Variants in HLCS observed in about 807,000 individuals in gnomAD.
HLCS encodes biotin--protein ligase.
In HLCS, 53 loss-of-function variants were observed where a neutral mutation model predicts 75.0. The observed-to-expected ratio is 0.71, with a 90% CI of 0.57 to 0.89. The LOEUF (loss-of-function observed/expected upper bound fraction) is 0.89. Ranked by LOEUF, HLCS falls within the 40% of genes least tolerant of loss-of-function variation. HLCS has a pLI of 0.00. For missense variants in HLCS, 966 were observed against 1,074.0 expected, an observed-to-expected ratio of 0.90 and a Z score of 1.41; for synonymous variants, 431 against 428.6, an observed-to-expected ratio of 1.01 and a Z score of -0.07.
At chr21:36,759,438 T>C (rs1009799310) in intron 9 of HLCS, among the ~76,000 whole-genome samples, 1 of 152,240 alleles carries the variant, frequency 6.6e-6, no homozygotes, top group African/African-American at 2.4e-5. Context: ...AAATGTTTAT[T>C]TTCACCATTT....
At chr21:36,883,895 G>C (rs1473504362) in intron 6 of HLCS, among the ~76,000 whole-genome samples, 1 of 152,166 alleles carries the variant, frequency 6.6e-6, no homozygotes. Flanking sequence ...GCAGGCTAGG[G>C]GACCCGGCCA....
At chr21:36,862,433 C>T (rs1454744932) in intron 6 of HLCS, among the ~76,000 whole-genome samples, 1 of 152,166 alleles carries the variant, frequency 6.6e-6, no homozygotes, top group Non-Finnish European at 1.5e-5. Flanking sequence ...CCAGTGTCTC[C>T]ACATCCTTGC....
At chr21:36,975,631 G>C (rs2068916506) in intron 1 of HLCS, among the ~76,000 whole-genome samples, 1 of 152,116 alleles carries the variant, frequency 6.6e-6, no homozygotes, top group African/African-American at 2.4e-5. Flanking sequence ...AAATTAGCCA[G>C]GCATGGTGGC....
intron 2 of HLCS, among the ~76,000 whole-genome samples, chr21:36,960,947 G>A (rs191853236): frequency 1.3e-5 from 2 of 152,340 alleles, no homozygotes; most frequent in East Asian, 3.9e-4. Context: ...GAAGGGACAT[G>A]AGACAGGGTA....
chr21:36,981,486 C>T (rs932965227), intron 1 of HLCS, among the ~76,000 whole-genome samples: 7 of 150,596 alleles, frequency 4.6e-5, no homozygotes, highest in South Asian at 2.1e-4. Context: ...CTATAACCTC[C>T]GCCTCCCAGG....
intron 6 of HLCS, among the ~76,000 whole-genome samples, chr21:36,826,006 A>G (rs1461381032): frequency 6.6e-6 from 1 of 152,038 alleles, no homozygotes; most frequent in Non-Finnish European, 1.5e-5. Context: ...CACTGGGTAC[A>G]AGGAATTAGA....
At chr21:36,946,166 T>C in intron 2 of HLCS, 1 of 916,498 alleles carries the variant, frequency 1.1e-6, no homozygotes, top group African/African-American at 1.8e-5. Context: ...TGGCAGGGAA[T>C]GGGGAGGTGA....
intron 4 of HLCS, 32 bp downstream of exon 4, chr21:36,936,417 A>G (rs1228412454): frequency 1.1e-5 from 17 of 1,576,294 alleles, no homozygotes; most frequent in Admixed American, 1.7e-5. Context: ...ACAGATACCC[A>G]AAGATCACCA....
chr21:36,958,019 A>G (rs1001624886), intron 2 of HLCS, among the ~76,000 whole-genome samples: 1 of 151,832 alleles, frequency 6.6e-6, no homozygotes, highest in African/African-American at 2.4e-5. Flanking sequence ...CAAGGTCAGG[A>G]GATCGAAACC....
At chr21:36,884,057 G>A (rs2064344913) in intron 6 of HLCS, among the ~76,000 whole-genome samples, 1 of 152,246 alleles carries the variant, frequency 6.6e-6, no homozygotes, top group Non-Finnish European at 1.5e-5. Flanking sequence ...GACCCGGAGA[G>A]AGTAGTTCTG....
chr21:36,761,170 G>GGGAGAAACGGAAGCTT (rs1305153865), intron 8 of HLCS, among the ~76,000 whole-genome samples: 1 of 152,230 alleles, frequency 6.6e-6, no homozygotes, highest in Non-Finnish European at 1.5e-5. Flanking sequence ...AGGGAACAGA[G>GGGAGAAACGGAAGCTT]GGAGAAACGG....
At chr21:36,873,984 G>T (rs549087847) in intron 6 of HLCS, among the ~76,000 whole-genome samples, 2 of 152,042 alleles carry the variant, frequency 1.3e-5, no homozygotes, top group East Asian at 3.8e-4. Flanking sequence ...CTTCTTAGTC[G>T]CAAGTCATGA....
chr21:36,966,828 G>C (rs1432554261), upstream of HLCS, among the ~76,000 whole-genome samples: 1 of 146,148 alleles, frequency 6.8e-6, no homozygotes, highest in Non-Finnish European at 1.5e-5. Context: ...GGCGGGGGGG[G>C]GTGAGGCCGC....
intron 6 of HLCS, among the ~76,000 whole-genome samples, chr21:36,888,988 G>GTACA (rs1324277125): frequency 2.0e-5 from 3 of 152,148 alleles, no homozygotes; most frequent in African/African-American, 7.2e-5. Flanking sequence ...CAAGAACGGT[G>GTACA]TACACAACTT....
rs538026084 is a variant in HLCS at position 36,812,261 on chromosome 21, G to A, written c.1893-44976C>T. 1.9e-3 allele frequency among the ~76,000 whole-genome samples: 292 copies of A among 152,280 alleles called. 1 individual carries two copies. Among genetic ancestry groups the A allele is most frequent in the Non-Finnish European group, 2.5e-3 (173 of 68,026 alleles). On this transcript the variant is annotated intron_variant, in intron 6 of 10. Transcript: ENST00000674895. ...CCTTCTCAGAGTCTGATCAAACTGG[G>A]AGGTAACAGATTCTCAACAAATCTC...
chr21:36,971,357 T>C (rs2068784602), upstream of HLCS, among the ~76,000 whole-genome samples: 2 of 152,060 alleles, frequency 1.3e-5, no homozygotes, highest in Non-Finnish European at 2.9e-5. Flanking sequence ...CTTGGAGAAA[T>C]CACTGATTCT....
intron 6 of HLCS, among the ~76,000 whole-genome samples, chr21:36,853,017 A>C (rs1180291136): frequency 6.6e-6 from 1 of 152,216 alleles, no homozygotes; most frequent in Non-Finnish European, 1.5e-5. Flanking sequence ...TTTCAATGCA[A>C]GTATAACTTT....
intron 6 of HLCS, among the ~76,000 whole-genome samples, chr21:36,854,393 G>A (rs1319464979): frequency 6.6e-6 from 1 of 152,138 alleles, no homozygotes; most frequent in Non-Finnish European, 1.5e-5. Context: ...GGGGAAGGAC[G>A]CTTAGAGTGA....
At chr21:36,828,395 GAATGAAT>G (rs977872134) in intron 6 of HLCS, among the ~76,000 whole-genome samples, 2 of 150,002 alleles carry the variant, frequency 1.3e-5, no homozygotes, top group African/African-American at 5.0e-5. Context: ...ATGAATGAAT[GAATGAAT>G]GAGTGAATAA....
Sources: gnomAD v4.1 joint callset for allele counts (sites outside exome capture counted in the v4.1 genomes callset) on GRCh38, gnomAD v4.1.1 for gene constraint, MANE v1.5 for transcripts, NCBI Gene and HGNC (gene_info 2026-07-23, HGNC 2026-07-21) for gene names.